RESF1: variants seen among roughly 807,000 people sequenced by gnomAD.
RESF1 encodes gonad expressed transcript.
In RESF1, 65 loss-of-function variants were observed where a neutral mutation model predicts 134.7. The ratio of observed to expected loss-of-function variants is 0.48; its 90% CI spans 0.40 to 0.59. The LOEUF is 0.59. Among genes scored for constraint, RESF1 ranks in the 20% least tolerant of loss-of-function variants. The probability of loss-of-function intolerance (pLI) is 0.00; values close to 1 mark genes in which losing one functional copy is unlikely to be tolerated. For missense variants in RESF1, 2,274 were observed against 2,002.7 expected (o/e 1.14, Z -2.59); for synonymous variants, 762 against 702.2 (o/e 1.09, Z -1.35).
At chr12:31,965,202 G>T (rs746464531) in intron 2 of RESF1, among the ~76,000 whole-genome samples, 1 of 152,030 alleles carries the variant, frequency 6.6e-6, no homozygotes, top group Non-Finnish European at 1.5e-5. Context: ...AGTGATCAGC[G>T]TGCCTCTGCC....
At chr12:31,986,525 C>T (rs964274213) in intron 4 of RESF1, among the ~76,000 whole-genome samples, 4 of 152,102 alleles carry the variant, frequency 2.6e-5, no homozygotes, top group Non-Finnish European at 1.5e-5. Context: ...GATAGAAGAA[C>T]CTTGAAAGCA....
rs760637892 is a variant in RESF1 at position 31,985,812 on chromosome 12, C to T, written c.4857C>T (p.Thr1619=). ...KDKRQENKHK[T]FLPVKGNTEK... Reference sequence around the variant, plus strand: ...AGAGACAGGAAAATAAACATAAGACCTTTTTACCGGTGAAAGGTAACACAG... The same window carrying T: ...AGAGACAGGAAAATAAACATAAGACTTTTTTACCGGTGAAAGGTAACACAG... The change falls in exon 4 of 6, where the codon ACC becomes ACT. Residue 1619 remains threonine, a synonymous_variant. Coordinates refer to ENST00000312561, the MANE Select transcript of RESF1 (RefSeq NM_018169.4). The T allele has an allele frequency of 3.2e-6, 5 of 1,566,656 alleles. No individual in the cohort carries two copies. Among genetic ancestry groups the T allele is most frequent in the Non-Finnish European group, 2.6e-6 (3 of 1,164,610 alleles).
Position 31,982,319 on chromosome 12 carries a change from C to A in RESF1, c.1364C>A (p.Pro455His). The A allele has an allele frequency of 6.2e-7, 1 of 1,614,026 alleles. No individual in the cohort carries two copies. The highest frequency in any genetic ancestry group is 1.1e-5 in the South Asian group (1 of 91,068). Reference sequence around the variant, plus strand: ...CAAACTGCCAAAATCCAGTCTGGACCCCAGATAACTCCAGTAATGCCAGAG... The same window carrying A: ...CAAACTGCCAAAATCCAGTCTGGACACCAGATAACTCCAGTAATGCCAGAG... ...LKQTAKIQSGPQITPVMPENA... is the reference protein window; with the variant it reads ...LKQTAKIQSGHQITPVMPENA... The change falls in exon 4 of 6, where the codon CCC (proline) becomes CAC (histidine). Residue 455 changes from proline to histidine, a missense_variant. Pro to His is a moderately conservative substitution (Grantham distance 77, BLOSUM62 -2). Coordinates refer to ENST00000312561, the MANE Select transcript of RESF1 (RefSeq NM_018169.4).
Position 31,985,963 on chromosome 12 carries a change from G to A in RESF1, c.5002+6G>A, listed in dbSNP as rs1161602191. The A allele has an allele frequency of 6.9e-7, 1 of 1,459,840 alleles. No individual in the cohort carries two copies. Among genetic ancestry groups the A allele is most frequent in the Non-Finnish European group, 9.0e-7 (1 of 1,108,252 alleles). The allele number at this position is 1,459,840 out of a possible 1,614,324, so 90.4% of individuals were successfully genotyped here. On this transcript the variant is annotated splice_donor_region_variant and intron_variant, in intron 4 of 5. Transcript: ENST00000312561. The stretch of plus-strand genomic sequence containing the variant: ...GGAGCAAGCCCCTCTGCAAGGTCCA[G>A]TATGATTTTCTTGGTGGTGTCTACA...
intron 2 of RESF1, chr12:31,962,487 C>T (rs993953555): frequency 6.6e-6 from 1 of 152,172 alleles, no homozygotes; most frequent in African/African-American, 2.4e-5. Context: ...AATACTTACA[C>T]TATTCCTAAT....
chr12:31,978,873 T>G (rs1592258019), intron 3 of RESF1, among the ~76,000 whole-genome samples: 1 of 151,982 alleles, frequency 6.6e-6, no homozygotes, highest in East Asian at 1.9e-4. Context: ...CCGGCAGTAT[T>G]TGATTTTGTC....
chr12:31,989,797 A>G (rs1940058180), intron 5 of RESF1, among the ~76,000 whole-genome samples: 1 of 152,170 alleles, frequency 6.6e-6, no homozygotes, highest in Non-Finnish European at 1.5e-5. Context: ...GGTTCCAGTG[A>G]GCTGAGATCG....
In RESF1 at chr12:31,983,434, A is replaced by C. The variant is rs773228085; in HGVS notation, c.2479A>C (p.Thr827Pro). Residue 827 changes from threonine (T) to proline (P), a missense_variant, in exon 4 of 6, where the codon ACA (threonine) becomes CCA (proline). By Grantham distance (38) the Thr-to-Pro change is conservative. Coordinates refer to ENST00000312561, the MANE Select transcript of RESF1 (RefSeq NM_018169.4). ...DVSGPVASTA[T>P]STKIFPLTQK... ...TAGTGGACCAGTAGCAAGTACAGCA[A>C]CATCAACCAAGATTTTTCCACTAAC... 75 of 1,613,954 alleles carry C rather than the reference A, an allele frequency of 4.6e-5. No individual in the cohort carries two copies. The highest frequency in any genetic ancestry group is 1.3e-4 in the Admixed American group (8 of 59,998).
chr12:31,977,679 A>G (rs978824217), intron 3 of RESF1, among the ~76,000 whole-genome samples: 1 of 151,916 alleles, frequency 6.6e-6, no homozygotes, highest in Non-Finnish European at 1.5e-5. Context: ...AAGTGTGTGT[A>G]TGTCTTCGCT....
intron 4 of RESF1, 68 bp from the exon 5 acceptor site, chr12:31,987,171 T>C: frequency 1.2e-6 from 1 of 830,694 alleles, no homozygotes; most frequent in South Asian, 1.6e-5. Context: ...TACATGATTT[T>C]CCTTTGTTAT....
chr12:31,974,343 GACCA>G (rs1039743010), intron 3 of RESF1, among the ~76,000 whole-genome samples: 2 of 152,082 alleles, frequency 1.3e-5, no homozygotes, highest in African/African-American at 4.8e-5. Flanking sequence ...CATGGGCAGA[GACCA>G]AGTATGTATT....
At chr12:31,963,238 C>G (rs1939321134) in intron 2 of RESF1, among the ~76,000 whole-genome samples, 1 of 151,602 alleles carries the variant, frequency 6.6e-6, no homozygotes, top group Admixed American at 6.6e-5. Flanking sequence ...CCAGCTAACT[C>G]AGGAGGCTGA....
intron 3 of RESF1, among the ~76,000 whole-genome samples, chr12:31,978,776 T>G (rs925763701): frequency 4.0e-5 from 6 of 149,146 alleles, no homozygotes; most frequent in Non-Finnish European, 8.9e-5. Flanking sequence ...TTGGCCAGGA[T>G]GGTCTCCATC....
chr12:31,982,016 T>C lies in RESF1; in HGVS notation c.1061T>C (p.Ile354Thr), dbSNP rs767634849. The C allele has an allele frequency of 3.1e-6, 5 of 1,614,098 alleles. No homozygotes were observed. In the South Asian group the frequency reaches 5.5e-5, roughly 18 times the overall value. Residue 354 changes from isoleucine to threonine, a missense_variant, in exon 4 of 6, where the codon ATT becomes ACT. By Grantham distance (89) the Ile-to-Thr change is moderately conservative (BLOSUM62 -1). Coordinates refer to ENST00000312561, the MANE Select transcript of RESF1 (RefSeq NM_018169.4). ...TNSKQPFNSPIRSSVDGVQTL... is the reference protein window; with the variant it reads ...TNSKQPFNSPTRSSVDGVQTL... ...AGCAAACAGCCTTTTAACAGTCCCA[T>C]TAGATCTTCTGTGGATGGTGTTCAG...
chr12:31,982,956 C>A lies in RESF1; in HGVS notation c.2001C>A (p.Ser667Arg). ...GAATGCCTGCTAAAAGTGACAGTAGCTGTTCCATGGAAGTGCTAGCAACCT... is the reference window on the plus strand; with the variant it reads ...GAATGCCTGCTAAAAGTGACAGTAGATGTTCCATGGAAGTGCTAGCAACCT... The part of the protein sequence containing the change: ...TKGMPAKSDS[S>R]CSMEVLATCL... Residue 667 changes from serine to arginine, a missense_variant, in exon 4 of 6, where the codon AGC (serine) becomes AGA (arginine). By Grantham distance (110) the Ser-to-Arg change is moderately radical. Coordinates refer to ENST00000312561, the MANE Select transcript of RESF1 (RefSeq NM_018169.4). 6.2e-7 allele frequency: 1 copy of A among 1,614,120 alleles called. No individual in the cohort carries two copies. The highest frequency in any genetic ancestry group is 8.5e-7 in the Non-Finnish European group (1 of 1,180,014).
rs200946023 is a variant in RESF1, at chr12:31,985,130, A to G, written c.4175A>G (p.His1392Arg). ...VLDMEVKKKK[H>R]DKQEQKGSVG... ...GATATGGAAGTAAAGAAAAAGAAAC[A>G]TGATAAACAAGAACAGAAAGGAAGT... The change falls in exon 4 of 6, where the codon CAT (histidine) becomes CGT (arginine). Residue 1392 changes from histidine to arginine, a missense_variant. Coordinates refer to ENST00000312561, the MANE Select transcript of RESF1 (RefSeq NM_018169.4). 1.6e-4 allele frequency: 255 copies of G among 1,548,200 alleles called. No homozygotes were observed. Among genetic ancestry groups the G allele is most frequent in the Non-Finnish European group, 2.1e-4 (241 of 1,155,730 alleles).
At chr12:31,967,181 G>A (rs1459709373) in intron 2 of RESF1, among the ~76,000 whole-genome samples, 9 of 152,152 alleles carry the variant, frequency 5.9e-5, no homozygotes, top group Non-Finnish European at 1.3e-4. Context: ...TGGGGCTGGG[G>A]ATACTGATCT....
At chr12:31,970,865 C>T (rs1455401028) in intron 3 of RESF1, among the ~76,000 whole-genome samples, 1 of 151,770 alleles carries the variant, frequency 6.6e-6, no homozygotes, top group Non-Finnish European at 1.5e-5. Flanking sequence ...GAGTCCCCCT[C>T]CCTTCTCCTA....
rs1939794273 is a variant in RESF1 at position 31,981,633 on chromosome 12, A to G, written c.678A>G (p.Leu226=). 1 of 1,614,012 alleles carries G rather than the reference A, an allele frequency of 6.2e-7. No homozygotes were observed. Among genetic ancestry groups the G allele is most frequent in the Non-Finnish European group, 8.5e-7 (1 of 1,180,028 alleles). ...ACCGTTACTCACCACAAAGCTTTTT[A>G]CCAGATTCTACCATTCAAAAACAAA... ...KLYRYSPQSF[L]PDSTIQKQNF... Residue 226 remains leucine (L), a synonymous_variant, in exon 4 of 6, where the codon TTA becomes TTG. Coordinates refer to ENST00000312561, the MANE Select transcript of RESF1 (RefSeq NM_018169.4).
Sources: gnomAD v4.1 joint callset for allele counts (sites outside exome capture counted in the v4.1 genomes callset) on GRCh38, gnomAD v4.1.1 for gene constraint, MANE v1.5 for transcripts, NCBI Gene and HGNC (gene_info 2026-07-23, HGNC 2026-07-21) for gene names.